SYNDIG1: variants seen among roughly 807,000 people sequenced by gnomAD.
SYNDIG1 encodes the protein synapse differentiation inducing 1.
Under a neutral mutation model 19.4 loss-of-function variants are expected in SYNDIG1, and 9 were observed. The observed-to-expected ratio is 0.46, with a 90% CI of 0.28 to 0.81. SYNDIG1 has a LOEUF of 0.81. Among genes scored for constraint, SYNDIG1 ranks in the 30% least tolerant of loss-of-function variants. SYNDIG1 has a pLI of 0.12. For missense variants in SYNDIG1, 311 were observed against 343.3 expected (o/e 0.91, Z 0.74); for synonymous variants, 141 against 145.9 (o/e 0.97, Z 0.24).
chr20:24,543,024 A>T lies in SYNDIG1; in HGVS notation c.-74A>T. 2 of 1,551,766 alleles carry T rather than the reference A, an allele frequency of 1.3e-6. No homozygotes were observed. The highest frequency in any genetic ancestry group is 2.5e-5 in the South Asian group (2 of 81,052). ...CTCTGTTTTCTCCTCCTCCAGGAGA[A>T]ATGGCTTCCCTGAGGCAAGTGTAAC... On this transcript the variant is annotated 5_prime_UTR_variant, in exon 2 of 4. Coordinates refer to ENST00000376862, the MANE Select transcript of SYNDIG1 (RefSeq NM_024893.3).
At chr20:24,641,951 A>T (rs1391381798) in intron 3 of SYNDIG1, among the ~76,000 whole-genome samples, 1 of 152,254 alleles carries the variant, frequency 6.6e-6, no homozygotes, top group Non-Finnish European at 1.5e-5. Flanking sequence ...CACATTTGTC[A>T]CAATTAATGA....
intron 1 of SYNDIG1, among the ~76,000 whole-genome samples, chr20:24,500,325 A>C (rs1047121898): frequency 6.6e-6 from 1 of 152,204 alleles, no homozygotes; most frequent in Non-Finnish European, 1.5e-5. Context: ...AATACCTTCT[A>C]TGTTGCCAAA....
At chr20:24,470,054 TG>T (rs1218252670) in intron 1 of SYNDIG1, among the ~76,000 whole-genome samples, 3 of 152,102 alleles carry the variant, frequency 2.0e-5, no homozygotes, top group Non-Finnish European at 4.4e-5. Context: ...CTTGGTGCCT[TG>T]CCACCCCGGG....
At chr20:24,576,807 A>C (rs187785193) in intron 2 of SYNDIG1, among the ~76,000 whole-genome samples, 103 of 151,856 alleles carry the variant, frequency 6.8e-4, no homozygotes, top group Non-Finnish European at 1.3e-3. Flanking sequence ...TCAGCAATCC[A>C]GCATGGACGT....
chr20:24,529,146 T>C (rs781648372), intron 1 of SYNDIG1, among the ~76,000 whole-genome samples: 7 of 152,234 alleles, frequency 4.6e-5, no homozygotes, highest in Non-Finnish European at 8.8e-5. Context: ...GCTGAGTCTG[T>C]GTCCACATTC....
intron 3 of SYNDIG1, among the ~76,000 whole-genome samples, chr20:24,643,772 A>G (rs752341236): frequency 7.9e-5 from 12 of 152,248 alleles, no homozygotes; most frequent in Non-Finnish European, 1.3e-4. Context: ...GCAGTGCCAC[A>G]TATTTACCAT....
intron 1 of SYNDIG1, among the ~76,000 whole-genome samples, chr20:24,528,103 A>G (rs1395397023): frequency 6.6e-6 from 1 of 152,316 alleles, no homozygotes; most frequent in East Asian, 1.9e-4. Flanking sequence ...TAATGTCTCA[A>G]AGTGTGTTCT....
At chr20:24,630,322 C>T (rs1209891229) in intron 3 of SYNDIG1, among the ~76,000 whole-genome samples, 1 of 152,190 alleles carries the variant, frequency 6.6e-6, no homozygotes, top group Non-Finnish European at 1.5e-5. Flanking sequence ...CACTCACCCA[C>T]TGCTGATGTG....
At chr20:24,479,163 A>G (rs567876684) in intron 1 of SYNDIG1, among the ~76,000 whole-genome samples, 2 of 152,238 alleles carry the variant, frequency 1.3e-5, no homozygotes, top group African/African-American at 2.4e-5. Flanking sequence ...CAAGGATGCA[A>G]ATTGCTTCTT....
At chr20:24,618,867 T>C (rs943308848) in intron 3 of SYNDIG1, among the ~76,000 whole-genome samples, 1 of 152,180 alleles carries the variant, frequency 6.6e-6, no homozygotes, top group Non-Finnish European at 1.5e-5. Flanking sequence ...TGTTGTTGTT[T>C]CAGATATGTA....
At chr20:24,486,047 G>C (rs1320566547) in intron 1 of SYNDIG1, among the ~76,000 whole-genome samples, 1 of 152,218 alleles carries the variant, frequency 6.6e-6, no homozygotes, top group Non-Finnish European at 1.5e-5. Flanking sequence ...AGGTGGGCAG[G>C]GTGAAGCACT....
intron 3 of SYNDIG1, among the ~76,000 whole-genome samples, chr20:24,606,019 C>G (rs1051907495): frequency 1.3e-5 from 2 of 152,242 alleles, no homozygotes; most frequent in Admixed American, 6.5e-5. Context: ...CTTTTAAGAT[C>G]GAGGACTTCT....
chr20:24,476,917 T>G (rs564109334), intron 1 of SYNDIG1, among the ~76,000 whole-genome samples: 39 of 152,312 alleles, frequency 2.6e-4, no homozygotes, highest in African/African-American at 8.7e-4. Flanking sequence ...CTGTGGGTCC[T>G]CTTGTGTAAC....
chr20:24,640,555 G>A (rs759030388), intron 3 of SYNDIG1, among the ~76,000 whole-genome samples: 5 of 151,298 alleles, frequency 3.3e-5, no homozygotes, highest in African/African-American at 9.8e-5. Flanking sequence ...TAATTAAAGC[G>A]TTAGATTTCA....
chr20:24,660,901 C>A (rs1222468708), intron 3 of SYNDIG1, among the ~76,000 whole-genome samples: 2 of 152,226 alleles, frequency 1.3e-5, no homozygotes, highest in Non-Finnish European at 2.9e-5. Context: ...CCTGAGGGGG[C>A]CGGTCAGCCG....
At chr20:24,532,614 G>A (rs2057282935) in intron 1 of SYNDIG1, among the ~76,000 whole-genome samples, 1 of 152,194 alleles carries the variant, frequency 6.6e-6, no homozygotes, top group African/African-American at 2.4e-5. Flanking sequence ...TGATATTTCA[G>A]TAAAGCAATT....
At chr20:24,661,390 A>AGAGG (rs2059587752) in intron 3 of SYNDIG1, among the ~76,000 whole-genome samples, 1 of 17,628 alleles carries the variant, frequency 5.7e-5, no homozygotes, top group South Asian at 1.9e-3. Context: ...GAGGGAGGAA[A>AGAGG]GAGGGAGGAG....
chr20:24,640,621 T>G (rs185557396), intron 3 of SYNDIG1, among the ~76,000 whole-genome samples: 22 of 152,224 alleles, frequency 1.4e-4, no homozygotes, highest in African/African-American at 5.3e-4. Context: ...TGTTTTGTTT[T>G]ACTATGTAAT....
At chr20:24,492,401 G>C (rs774737167) in intron 1 of SYNDIG1, among the ~76,000 whole-genome samples, 3 of 152,202 alleles carry the variant, frequency 2.0e-5, no homozygotes, top group Non-Finnish European at 4.4e-5. Flanking sequence ...GCCACCACAG[G>C]GGACATGTGC....
Sources: gnomAD v4.1 joint callset for allele counts (sites outside exome capture counted in the v4.1 genomes callset) on GRCh38, gnomAD v4.1.1 for gene constraint, MANE v1.5 for transcripts, NCBI Gene and HGNC (gene_info 2026-07-23, HGNC 2026-07-21) for gene names.